The following IPCEF1 variants were observed in gnomAD, a reference collection of about 807,000 sequenced individuals.
The protein encoded by IPCEF1 is interactor protein for cytohesin exchange factors 1.
IPCEF1 carries 31 observed loss-of-function variants against 50.9 expected under a neutral mutation model. The observed-to-expected ratio is 0.61, with a 90% confidence interval of 0.46 to 0.82. The LOEUF (loss-of-function observed/expected upper bound fraction) is 0.82, where lower values mean the gene tolerates loss of function less well. Ranked by LOEUF, IPCEF1 falls within the 40% of genes least tolerant of loss-of-function variation. The probability of loss-of-function intolerance (pLI) is 0.00; values close to 1 mark genes in which losing one functional copy is unlikely to be tolerated. For synonymous variants in IPCEF1, 181 were observed against 192.0 expected, an observed-to-expected ratio of 0.94 and a Z score of 0.47; for missense variants, 458 against 514.0, an observed-to-expected ratio of 0.89 and a Z score of 1.05.
chr6:154,334,687 C>T (rs1783752034), intron 1 of IPCEF1, among the ~76,000 whole-genome samples: 1 of 152,240 alleles, frequency 6.6e-6, no homozygotes, highest in Non-Finnish European at 1.5e-5. Flanking sequence ...ACCTAAAGTT[C>T]AAGCCTCAGC....
intron 3 of IPCEF1, among the ~76,000 whole-genome samples, chr6:154,263,858 G>T (rs1781673180): frequency 2.2e-5 from 1 of 45,866 alleles, no homozygotes; most frequent in Non-Finnish European, 4.6e-5. Flanking sequence ...GGACGGGGCG[G>T]CTGGCCGGGC....
chr6:154,179,547 C>G (rs1030808838), intron 10 of IPCEF1, among the ~76,000 whole-genome samples: 1 of 152,154 alleles, frequency 6.6e-6, no homozygotes, highest in Non-Finnish European at 1.5e-5. Flanking sequence ...GTCTGACAGT[C>G]AAGTGTTTCC....
rs772767695 is a variant in IPCEF1, at chr6:154,258,992, T to C, written c.36+6920A>G. Among the ~76,000 whole-genome samples, 6 of 152,246 alleles carry C rather than the reference T, an allele frequency of 3.9e-5. No homozygotes were observed. In the East Asian group the frequency reaches 5.8e-4, roughly 15 times the overall value. ...CTTTAGTAAGCATGATGCCTTCCTATGTGCCTGGCAGATAGTGGAACTTTG... is the reference window on the plus strand; with the variant it reads ...CTTTAGTAAGCATGATGCCTTCCTACGTGCCTGGCAGATAGTGGAACTTTG... On this transcript the variant is annotated intron_variant, in intron 3 of 11. Transcript: ENST00000367220.
At chr6:154,223,134 G>A in intron 6 of IPCEF1, 36 bp downstream of exon 6, 1 of 1,491,206 alleles carries the variant, frequency 6.7e-7, no homozygotes, top group South Asian at 1.1e-5. Flanking sequence ...ATAGTATCCT[G>A]GCTCAGAGTT....
intron 1 of IPCEF1, among the ~76,000 whole-genome samples, chr6:154,322,464 G>A (rs1301322563): frequency 1.1e-4 from 17 of 151,892 alleles, no homozygotes; most frequent in Non-Finnish European, 8.8e-5. Flanking sequence ...TCATCGTACT[G>A]GCAGCATTAA....
chr6:154,342,011 A>G (rs754943246), intron 1 of IPCEF1, among the ~76,000 whole-genome samples: 11 of 152,180 alleles, frequency 7.2e-5, no homozygotes, highest in Non-Finnish European at 1.5e-4. Context: ...TGAGTCATGC[A>G]ACATCCTTTT....
chr6:154,219,741 TA>T (rs1313569935), intron 7 of IPCEF1, among the ~76,000 whole-genome samples: 1 of 152,038 alleles, frequency 6.6e-6, no homozygotes, highest in Non-Finnish European at 1.5e-5. Flanking sequence ...ACCAAGGGGA[TA>T]AAAAAAAGCT....
At chr6:154,189,319 C>G (rs534475216) in intron 10 of IPCEF1, among the ~76,000 whole-genome samples, 2 of 152,278 alleles carry the variant, frequency 1.3e-5, no homozygotes, top group Admixed American at 1.3e-4. Flanking sequence ...ATTTATAAAG[C>G]AATTTCATCT....
chr6:154,195,365 T>A (rs770305313), intron 10 of IPCEF1, among the ~76,000 whole-genome samples: 1 of 152,092 alleles, frequency 6.6e-6, no homozygotes, highest in Non-Finnish European at 1.5e-5. Context: ...GCCAGGATGG[T>A]CTCGATCTCC....
At chr6:154,275,644 A>G (rs558158730) in intron 2 of IPCEF1, among the ~76,000 whole-genome samples, 14 of 152,330 alleles carry the variant, frequency 9.2e-5, no homozygotes, top group Admixed American at 2.6e-4. Flanking sequence ...GACAGTGTAC[A>G]TGGCTCTGAG....
At chr6:154,285,156 A>G (rs1782329504) in intron 2 of IPCEF1, among the ~76,000 whole-genome samples, 1 of 152,258 alleles carries the variant, frequency 6.6e-6, no homozygotes, top group Non-Finnish European at 1.5e-5. Context: ...GTAAACTAAC[A>G]TATACCCAAG....
At chr6:154,281,740 C>T (rs1281468284) in intron 2 of IPCEF1, among the ~76,000 whole-genome samples, 6 of 152,042 alleles carry the variant, frequency 3.9e-5, no homozygotes, top group East Asian at 1.9e-4. Flanking sequence ...CTGTGGCTCA[C>T]GCCTGTAATC....
chr6:154,167,844 C>A, intron 11 of IPCEF1, 76 bp downstream of exon 11: 2 of 1,127,714 alleles, frequency 1.8e-6, no homozygotes, highest in Non-Finnish European at 1.3e-6. Context: ...CTGTGATTAG[C>A]AAGAATCTCT....
At position 154,199,891 on chromosome 6, in the gene IPCEF1, C is replaced by T. The variant is rs777482250; in HGVS notation, c.687G>A (p.Leu229=). Residue 229 remains leucine, a synonymous_variant, in exon 10 of 12, where the codon TTG becomes TTA. Coordinates refer to ENST00000367220, the MANE Select transcript of IPCEF1 (RefSeq NM_001130700.2). ...RQSLPDTVNS[L]SAAEDEGQPI... is the part of the protein sequence containing the mutation. ...GTTGTCCCTCATCTTCAGCAGCAGA[C>T]AAACTGTTAACTGTGTCAGGCAAGG... 57 of 1,614,150 alleles carry T rather than the reference C, an allele frequency of 3.5e-5. No individual in the cohort carries two copies. Among genetic ancestry groups the T allele is most frequent in the Non-Finnish European group, 4.5e-5 (53 of 1,180,030 alleles).
chr6:154,180,908 T>C (rs932518350), intron 10 of IPCEF1, among the ~76,000 whole-genome samples: 6 of 152,176 alleles, frequency 3.9e-5, no homozygotes, highest in African/African-American at 1.2e-4. Flanking sequence ...AAACAGCGTT[T>C]CCTGTTCATA....
At chr6:154,246,037 A>G (rs1486596034) in intron 5 of IPCEF1, among the ~76,000 whole-genome samples, 1 of 152,214 alleles carries the variant, frequency 6.6e-6, no homozygotes, top group Non-Finnish European at 1.5e-5. Flanking sequence ...ACCAGGGGAC[A>G]AGAGGTGACA....
At chr6:154,296,046 T>A (rs1003768076) in intron 1 of IPCEF1, among the ~76,000 whole-genome samples, 1 of 152,228 alleles carries the variant, frequency 6.6e-6, no homozygotes, top group Non-Finnish European at 1.5e-5. Flanking sequence ...ATGAAGGAGC[T>A]GACAGCTACT....
Position 154,159,708 on chromosome 6 carries a change from G to A in IPCEF1, c.*120C>T, listed in dbSNP as rs376395266. 10 of 733,458 alleles carry A rather than the reference G, an allele frequency of 1.4e-5. No individual in the cohort carries two copies. In the South Asian group the frequency reaches 1.6e-4, roughly 12 times the overall value. 45.4% of individuals were successfully genotyped at this position (733,458 alleles called of 1,614,324 possible). Reference sequence around the variant, plus strand: ...TTCATCTAACGTGCATCTTTAGATGGGAAGCTGATGCTTGAAGGACTGGGT... The same window carrying A: ...TTCATCTAACGTGCATCTTTAGATGAGAAGCTGATGCTTGAAGGACTGGGT... On this transcript the variant is annotated 3_prime_UTR_variant, in exon 12 of 12. Transcript: ENST00000367220.
intron 8 of IPCEF1, among the ~76,000 whole-genome samples, chr6:154,213,743 C>A (rs937418949): frequency 6.6e-6 from 1 of 152,098 alleles, no homozygotes; most frequent in Non-Finnish European, 1.5e-5. Flanking sequence ...CTGAAAGCTA[C>A]CGACTGAGCT....
Sources: allele counts gnomAD v4.1 joint callset (sites outside exome capture counted in the v4.1 genomes callset), GRCh38; gene constraint gnomAD v4.1.1; transcripts MANE v1.5; gene names NCBI Gene and HGNC (gene_info 2026-07-23, HGNC 2026-07-21).